The following DNAH6 variants were observed in gnomAD, a reference collection of about 807,000 sequenced individuals.
DNAH6 encodes axonemal beta dynein heavy chain 6.
DNAH6 carries 340 observed loss-of-function variants against 491.4 expected under a neutral mutation model. The observed-to-expected ratio is 0.69, with a 90% CI of 0.63 to 0.76. DNAH6 has a LOEUF of 0.76. DNAH6 is among the 30% of genes least tolerant of loss of function. The pLI, the probability that DNAH6 is intolerant of heterozygous loss-of-function variation, is 0.00. For synonymous variants in DNAH6, 1,603 were observed against 1,686.1 expected (o/e 0.95, Z 1.21); for missense variants, 4,443 against 4,972.2 (o/e 0.89, Z 3.20).
At chr2:84,559,283 C>T (rs150165760) in intron 11 of DNAH6, among the ~76,000 whole-genome samples, 2 of 152,082 alleles carry the variant, frequency 1.3e-5, no homozygotes, top group Non-Finnish European at 2.9e-5. Flanking sequence ...CTCAAGATGC[C>T]ATTAGTTCTG....
At chr2:84,792,282 T>A (rs1370773262) in intron 68 of DNAH6, among the ~76,000 whole-genome samples, 1 of 152,052 alleles carries the variant, frequency 6.6e-6, no homozygotes, top group Non-Finnish European at 1.5e-5. Flanking sequence ...ACAAGATGAG[T>A]AAGTTAGAGA....
At chr2:84,711,444 C>T (rs763656857) in intron 56 of DNAH6, among the ~76,000 whole-genome samples, 2 of 152,184 alleles carry the variant, frequency 1.3e-5, no homozygotes, top group Non-Finnish European at 2.9e-5. Flanking sequence ...AAAGAAAGCT[C>T]AAAAAGACCA....
At chr2:84,812,674 A>G in intron 73 of DNAH6, 148 bp downstream of exon 73, 1 of 734,288 alleles carries the variant, frequency 1.4e-6, no homozygotes, top group Admixed American at 2.9e-5. Context: ...GCATCACTTT[A>G]AAAGTCTTAT....
At chr2:84,646,978 G>T (rs1293809172) in intron 33 of DNAH6, among the ~76,000 whole-genome samples, 1 of 152,132 alleles carries the variant, frequency 6.6e-6, no homozygotes, top group East Asian at 1.9e-4. Context: ...CTCCCGAGTA[G>T]CTGGGACTAC....
chr2:84,463,986 C>T, the DNAH6 span, among the ~76,000 whole-genome samples: 1 of 152,044 alleles, frequency 6.6e-6, no homozygotes, highest in Non-Finnish European at 1.5e-5. Context: ...TTTTTTGTGA[C>T]CCCCCATTCT....
At chr2:84,760,786 C>T (rs1573728602) in intron 63 of DNAH6, among the ~76,000 whole-genome samples, 1 of 152,138 alleles carries the variant, frequency 6.6e-6, no homozygotes, top group Non-Finnish European at 1.5e-5. Flanking sequence ...CACTCTGTCA[C>T]CCAGGCTGGA....
chr2:84,515,490 C>A (rs1675529338), upstream of DNAH6, among the ~76,000 whole-genome samples: 1 of 152,154 alleles, frequency 6.6e-6, no homozygotes, highest in Non-Finnish European at 1.5e-5. Flanking sequence ...ATCATACTAC[C>A]ATATCAAATA....
chr2:84,698,115 A>T (rs1162126948), intron 47 of DNAH6, among the ~76,000 whole-genome samples: 1 of 152,152 alleles, frequency 6.6e-6, no homozygotes, highest in African/African-American at 2.4e-5. Flanking sequence ...ACAAAGCAGG[A>T]ATGTGTTTTC....
chr2:84,800,618 G>T (rs1443685827), intron 70 of DNAH6, among the ~76,000 whole-genome samples: 2 of 152,118 alleles, frequency 1.3e-5, no homozygotes, highest in East Asian at 3.9e-4. Context: ...GAAACTGGAA[G>T]TCTTAACAAC....
the DNAH6 span, among the ~76,000 whole-genome samples, chr2:84,482,635 G>A: frequency 6.6e-6 from 1 of 152,248 alleles, no homozygotes; most frequent in Non-Finnish European, 1.5e-5. Flanking sequence ...CAGATTCACA[G>A]CTCTATTTTC....
intron 39 of DNAH6, 125 bp from the exon 40 acceptor site, chr2:84,672,202 G>A (rs1692801314): frequency 1.1e-6 from 1 of 915,506 alleles, no homozygotes; most frequent in Non-Finnish European, 1.6e-6. Context: ...CTCCAGGCAG[G>A]ACTCAGAACT....
intron 61 of DNAH6, among the ~76,000 whole-genome samples, chr2:84,729,194 T>G (rs1463945752): frequency 6.6e-6 from 1 of 152,190 alleles, no homozygotes; most frequent in Non-Finnish European, 1.5e-5. Context: ...TTGCTATGTG[T>G]TTTATATATA....
At position 84,718,310 on chromosome 2, in the gene DNAH6, C is replaced by T; in HGVS notation, c.9718C>T (p.Leu3240=). ...GTTGAAAACTATCGAAGAGAAAATCCTGAGAATGCTCTTTACCTCTGAAGG... is the reference window on the plus strand; with the variant it reads ...GTTGAAAACTATCGAAGAGAAAATCTTGAGAATGCTCTTTACCTCTGAAGG... ...NQLKTIEEKI[L]RMLFTSEGNI... The change falls in exon 59 of 77, where the codon CTG becomes TTG. Residue 3240 remains leucine, a synonymous_variant. Transcript: ENST00000389394. 2 of 1,551,402 alleles carry T rather than the reference C, an allele frequency of 1.3e-6. No homozygotes were observed. The highest frequency in any genetic ancestry group is 1.2e-5 in the South Asian group (1 of 83,968).
At chr2:84,560,555 C>A (rs1381071784) in intron 11 of DNAH6, among the ~76,000 whole-genome samples, 2 of 151,232 alleles carry the variant, frequency 1.3e-5, no homozygotes, top group Admixed American at 1.3e-4. Context: ...GTGTGCTGCA[C>A]CCATTAACTC....
chr2:84,689,422 C>A (rs1694622624), intron 45 of DNAH6, among the ~76,000 whole-genome samples: 2 of 152,180 alleles, frequency 1.3e-5, no homozygotes, highest in Non-Finnish European at 2.9e-5. Flanking sequence ...ATCTCTCTTA[C>A]AGTTGTAATC....
At chr2:84,700,327 G>C (rs1209420263) in intron 48 of DNAH6, among the ~76,000 whole-genome samples, 1 of 152,172 alleles carries the variant, frequency 6.6e-6, no homozygotes, top group Non-Finnish European at 1.5e-5. Flanking sequence ...TAACAGGTAG[G>C]GAGGCAGAAT....
intron 22 of DNAH6, among the ~76,000 whole-genome samples, chr2:84,612,072 C>T (rs1271759806): frequency 6.6e-6 from 1 of 151,998 alleles, no homozygotes; most frequent in African/African-American, 2.4e-5. Flanking sequence ...TATTATCTCT[C>T]AGCTTAGTTT....
intron 63 of DNAH6, among the ~76,000 whole-genome samples, chr2:84,752,615 G>T (rs374400969): frequency 7.3e-5 from 11 of 151,546 alleles, no homozygotes; most frequent in African/African-American, 2.7e-4. Flanking sequence ...TCATCCCCCA[G>T]TGCCATCATC....
At chr2:84,711,935 T>A (rs1467299072) in intron 56 of DNAH6, among the ~76,000 whole-genome samples, 1 of 152,252 alleles carries the variant, frequency 6.6e-6, no homozygotes, top group Non-Finnish European at 1.5e-5. Flanking sequence ...TCCTCTTTCA[T>A]GGCAGCAGAC....
Sources: gnomAD v4.1 joint callset for allele counts (sites outside exome capture counted in the v4.1 genomes callset) on GRCh38, gnomAD v4.1.1 for gene constraint, MANE v1.5 for transcripts, NCBI Gene and HGNC (gene_info 2026-07-23, HGNC 2026-07-21) for gene names.